Variants in MSI2 observed in about 807,000 individuals in gnomAD.
MSI2 encodes the protein musashi RNA binding protein 2.
A neutral mutation model predicts 45.6 loss-of-function variants in MSI2; 17 were observed. The ratio of observed to expected loss-of-function variants is 0.37; its 90% CI spans 0.26 to 0.56. MSI2 has a LOEUF of 0.56. Among genes scored for constraint, MSI2 ranks in the 20% least tolerant of loss-of-function variants. The pLI is 0.77. For missense variants in MSI2, 293 were observed against 444.2 expected, an observed-to-expected ratio of 0.66 and a Z score of 3.06; for synonymous variants, 156 against 158.2, an observed-to-expected ratio of 0.99 and a Z score of 0.11.
In MSI2 at chr17:57,627,052, C is replaced by A; in HGVS notation, c.653-177C>A. 1 of 630,982 alleles carries A rather than the reference C, an allele frequency of 1.6e-6. No individual in the cohort carries two copies. The highest frequency in any genetic ancestry group is 2.8e-6 in the Non-Finnish European group (1 of 353,306). 39.1% of individuals were successfully genotyped at this position (630,982 alleles called of 1,614,324 possible). ...AATTAGCAACAGCTGACAGCAGCGC[C>A]CCCGGCCACAGGAGAGAGGTGACCC... On this transcript the variant is annotated intron_variant, in intron 9 of 13. Coordinates refer to ENST00000284073, the MANE Select transcript of MSI2 (RefSeq NM_138962.4). The surrounding 1 kb of genome is among the most constrained non-coding windows in gnomAD (Gnocchi z 4.6).
intron 7 of MSI2, among the ~76,000 whole-genome samples, chr17:57,569,925 T>A (rs761836519): frequency 1.2e-4 from 18 of 152,180 alleles, no homozygotes; most frequent in Non-Finnish European, 1.5e-4. Context: ...TGAGTGCATC[T>A]GCCATCAGTG....
Position 57,529,764 on chromosome 17 carries a change from T to C in MSI2, c.454+40T>C. The C allele has an allele frequency of 6.5e-7, 1 of 1,542,936 alleles. No individual in the cohort carries two copies. The highest frequency in any genetic ancestry group is 8.9e-7 in the Non-Finnish European group (1 of 1,127,640). The stretch of plus-strand genomic sequence containing the variant: ...GTGTAAGAGGGTTGCGTTCACCCTC[T>C]CCTGGCCTCTCTGTCTGTCATCCCC... On this transcript the variant is annotated intron_variant, in intron 7 of 13. Transcript: ENST00000284073. This position sits in a 1 kb window ranked among gnomAD's most constrained non-coding sequence, Gnocchi z 5.3.
chr17:57,632,891 T>A (rs1232725381), intron 10 of MSI2: 6 of 1,061,990 alleles, frequency 5.6e-6, no homozygotes, highest in African/African-American at 1.6e-5. Flanking sequence ...TCATTAAAGA[T>A]GCTTGATGTA....
intron 5 of MSI2, among the ~76,000 whole-genome samples, chr17:57,392,201 T>A (rs1027652491): frequency 1.3e-5 from 2 of 152,188 alleles, no homozygotes; most frequent in African/African-American, 4.8e-5. Flanking sequence ...CAGCCCCCAA[T>A]AGGAGTCAGT....
At chr17:57,371,218 T>C (rs1052094165) in intron 5 of MSI2, among the ~76,000 whole-genome samples, 1 of 152,222 alleles carries the variant, frequency 6.6e-6, no homozygotes, top group Non-Finnish European at 1.5e-5. Flanking sequence ...CATGGCAAGG[T>C]TGTAATGTTT....
At position 57,608,724 on chromosome 17, in the gene MSI2, T is replaced by C. The variant is rs75304081; in HGVS notation, c.538-7246T>C. On this transcript the variant is annotated intron_variant, in intron 8 of 13. Coordinates refer to ENST00000284073, the MANE Select transcript of MSI2 (RefSeq NM_138962.4). The stretch of plus-strand genomic sequence containing the variant: ...GGCCCTGTTCGTTCTGCTGTGAGGC[T>C]GACTCAGGGCCAGGTGCCGTGCAGG... 6.5e-3 allele frequency among the ~76,000 whole-genome samples: 983 copies of C among 152,350 alleles called. 4 individuals are homozygous for C. Among genetic ancestry groups the C allele is most frequent in the Non-Finnish European group, 0.011 (745 of 68,034 alleles).
intron 7 of MSI2, among the ~76,000 whole-genome samples, chr17:57,558,993 C>T (rs1286102487): frequency 5.3e-5 from 8 of 152,184 alleles, no homozygotes; most frequent in East Asian, 1.9e-4. Context: ...ACCCAGGAGG[C>T]GGAGGTTGCA....
the MSI2 span, among the ~76,000 whole-genome samples, chr17:57,697,099 T>G: frequency 1.3e-4 from 19 of 150,186 alleles, no homozygotes; most frequent in African/African-American, 4.6e-4. Flanking sequence ...AAGTACCTGG[T>G]CAGACCCACC....
In MSI2 at chr17:57,645,441, G is replaced by GTT. The variant is rs556203302; in HGVS notation, c.728-6647_728-6646dup. 6.0e-4 allele frequency among the ~76,000 whole-genome samples: 90 copies of GTT among 149,000 alleles called. 1 individual carries two copies. The South Asian group carries it at 0.012, about 19-fold the overall frequency. Reference sequence around the variant, plus strand: ...AAGTTTTTTTGTTTTTTGTTTTTTGGTTTTTTTTTTTTGAGACAGAATCTG... The same window carrying GTT: ...AAGTTTTTTTGTTTTTTGTTTTTTGGTTTTTTTTTTTTTTGAGACAGAATCTG... On this transcript the variant is annotated intron_variant, in intron 10 of 13. Coordinates refer to ENST00000284073, the MANE Select transcript of MSI2 (RefSeq NM_138962.4).
At chr17:57,562,296 G>A (rs975447416) in intron 7 of MSI2, among the ~76,000 whole-genome samples, 1 of 152,196 alleles carries the variant, frequency 6.6e-6, no homozygotes, top group African/African-American at 2.4e-5. Context: ...AGAAGCTTAT[G>A]TGTCTAGAGA....
At chr17:57,567,346 G>T (rs2087760518) in intron 7 of MSI2, among the ~76,000 whole-genome samples, 2 of 152,134 alleles carry the variant, frequency 1.3e-5, no homozygotes, top group African/African-American at 4.8e-5. Context: ...AAACAATTTT[G>T]CTCTTCGCTG....
chr17:57,654,700 A>C (rs1408534940), intron 11 of MSI2, among the ~76,000 whole-genome samples: 1 of 152,166 alleles, frequency 6.6e-6, no homozygotes, highest in Non-Finnish European at 1.5e-5. Flanking sequence ...ACTCAACTGC[A>C]TTCCCTTATA....
At chr17:57,313,285 C>G (rs1912561351) in intron 5 of MSI2, among the ~76,000 whole-genome samples, 1 of 151,770 alleles carries the variant, frequency 6.6e-6, no homozygotes, top group African/African-American at 2.4e-5. Flanking sequence ...TGTTTGGTCT[C>G]CTTTTCTAGC....
chr17:57,449,149 A>G (rs1177625292), intron 6 of MSI2: 1 of 152,202 alleles, frequency 6.6e-6, no homozygotes, highest in Non-Finnish European at 1.5e-5. Context: ...CTCCACCGCC[A>G]CTGTTTTACA....
intron 7 of MSI2, among the ~76,000 whole-genome samples, chr17:57,576,687 G>A (rs1185141624): frequency 6.6e-6 from 1 of 151,568 alleles, no homozygotes; most frequent in Non-Finnish European, 1.5e-5. Flanking sequence ...CTTGGAGGTG[G>A]AGGTTACAGT....
intron 8 of MSI2, among the ~76,000 whole-genome samples, chr17:57,597,471 A>AAAAAAAAAAAAAG (rs1905365029): frequency 6.8e-6 from 1 of 147,106 alleles, no homozygotes; most frequent in African/African-American, 2.5e-5. Flanking sequence ...TCTCTTAAAA[A>AAAAAAAAAAAAAG]AAAAAAAAAA....
chr17:57,538,227 C>T (rs1163393532), intron 7 of MSI2, among the ~76,000 whole-genome samples: 1 of 151,958 alleles, frequency 6.6e-6, no homozygotes, highest in Non-Finnish European at 1.5e-5. Flanking sequence ...TGCCAGTGGC[C>T]GGAGAGGGCT....
intron 6 of MSI2, among the ~76,000 whole-genome samples, chr17:57,420,283 G>A (rs949798486): frequency 6.6e-6 from 1 of 152,190 alleles, no homozygotes; most frequent in East Asian, 1.9e-4. Context: ...AATAACTAGC[G>A]ACTGACGTTC....
rs987525868 is a variant in MSI2, at chr17:57,653,755, C to T, written c.790+1594C>T. 5.3e-5 allele frequency among the ~76,000 whole-genome samples: 8 copies of T among 152,242 alleles called. No homozygotes were observed. The South Asian group carries it at 6.2e-4, about 12-fold the overall frequency. ...CCCTGCCTCTCTCCCCACCCCACCC[C>T]GTTCTCCTTGACTTCATGGCAAGTT... On this transcript the variant is annotated intron_variant, in intron 11 of 13. Transcript: ENST00000284073.
Sources: gnomAD v4.1 joint callset for allele counts (sites outside exome capture counted in the v4.1 genomes callset) on GRCh38, gnomAD v4.1.1 for gene constraint, Gnocchi (gnomAD v3.1) non-coding constraint, MANE v1.5 for transcripts, NCBI Gene and HGNC (gene_info 2026-07-23, HGNC 2026-07-21) for gene names.